PMM2: variants seen among roughly 807,000 people sequenced by gnomAD.
PMM2 encodes mannose-6-phosphate isomerase.
Under a neutral mutation model 33.2 loss-of-function variants are expected in PMM2, and 35 were observed. The observed-to-expected ratio is 1.06, with a 90% CI of 0.81 to 1.40. PMM2 has a LOEUF of 1.40. Among genes scored for constraint, PMM2 ranks in the 40% most tolerant of loss-of-function variants. The pLI is 0.00. For missense variants in PMM2, 386 were observed against 306.0 expected, an observed-to-expected ratio of 1.26 and a Z score of -1.95; for synonymous variants, 153 against 114.7, an observed-to-expected ratio of 1.33 and a Z score of -2.13.
At chr16:8,817,446 C>A (rs1387629018) in intron 7 of PMM2, among the ~76,000 whole-genome samples, 1 of 152,212 alleles carries the variant, frequency 6.6e-6, no homozygotes, top group Non-Finnish European at 1.5e-5. Context: ...AGACACACGA[C>A]AGCAGATTGT....
intron 7 of PMM2, among the ~76,000 whole-genome samples, chr16:8,846,435 G>A (rs1198635756): frequency 6.6e-6 from 1 of 152,098 alleles, no homozygotes; most frequent in African/African-American, 2.4e-5. Flanking sequence ...CCAATTTTAT[G>A]AGGGAAATAA....
At chr16:8,832,752 G>C in intron 7 of PMM2, 1 of 985,172 alleles carries the variant, frequency 1.0e-6, no homozygotes, top group Non-Finnish European at 1.2e-6. Flanking sequence ...GGCTACCCGT[G>C]AAATCCCAGG....
intron 2 of PMM2, 136 bp from the exon 3 acceptor site, chr16:8,804,629 TTA>T (rs1250349923): frequency 5.8e-6 from 4 of 694,992 alleles, no homozygotes; most frequent in East Asian, 5.4e-5. Context: ...TACTCTTCTC[TTA>T]GTCTGTAAGA....
At chr16:8,833,843 T>C (rs2060826799) in intron 7 of PMM2, among the ~76,000 whole-genome samples, 1 of 152,150 alleles carries the variant, frequency 6.6e-6, no homozygotes, top group Admixed American at 6.5e-5. Flanking sequence ...TTCAGCATAG[T>C]CCTGCCAGCA....
In PMM2 at chr16:8,847,925, C is replaced by G. The variant is rs1248266658; in HGVS notation, c.*100C>G. On this transcript the variant is annotated 3_prime_UTR_variant, in exon 8 of 8. Transcript: ENST00000268261. ...CCCACACGTGCTCACCCACCCGCAG[C>G]CTAGGCAGGCTCTGCATGCTATGCC... is the stretch of plus-strand genomic sequence containing the variant. The G allele has an allele frequency of 6.0e-6, 5 of 834,090 alleles. No homozygotes were observed. The African/African-American group carries it at 8.3e-5, about 14-fold the overall frequency. 51.7% of individuals were successfully genotyped at this position (834,090 alleles called of 1,614,324 possible). A position where few individuals can be genotyped will look rare whatever the true frequency, so the allele number is the denominator to read the frequency against.
At chr16:8,817,210 C>G (rs2060713215) in intron 7 of PMM2, among the ~76,000 whole-genome samples, 1 of 152,182 alleles carries the variant, frequency 6.6e-6, no homozygotes, top group Non-Finnish European at 1.5e-5. Context: ...CAGGTTTGTT[C>G]TTAATGACAG....
chr16:8,846,395 T>C (rs2060925781), intron 7 of PMM2, among the ~76,000 whole-genome samples: 1 of 152,206 alleles, frequency 6.6e-6, no homozygotes, highest in Non-Finnish European at 1.5e-5. Context: ...AATCGTAGAT[T>C]ATTTTAAGGT....
chr16:8,825,155 C>A (rs544866700), intron 7 of PMM2, among the ~76,000 whole-genome samples: 1 of 152,198 alleles, frequency 6.6e-6, no homozygotes, highest in South Asian at 2.1e-4. Flanking sequence ...TTCAGCCTCC[C>A]GAGTAGCTGG....
At chr16:8,805,287 C>G (rs796493386) in intron 3 of PMM2, among the ~76,000 whole-genome samples, 1 of 152,336 alleles carries the variant, frequency 6.6e-6, no homozygotes, top group Non-Finnish European at 1.5e-5. Context: ...AGGCTGATCT[C>G]TAACCCCTGA....
At chr16:8,806,658 G>C in intron 4 of PMM2, 1 of 544,414 alleles carries the variant, frequency 1.8e-6, no homozygotes, top group African/African-American at 1.9e-5. Context: ...CCATGGGCCA[G>C]CGAATTTAAA....
At chr16:8,810,034 C>G (rs960241521) in intron 4 of PMM2, 2 of 152,456 alleles carry the variant, frequency 1.3e-5, no homozygotes, top group African/African-American at 4.8e-5. Flanking sequence ...TGCTCTCAAA[C>G]TCCTGAGCTC....
At chr16:8,804,253 C>A (rs1220557847) in intron 2 of PMM2, among the ~76,000 whole-genome samples, 3 of 151,636 alleles carry the variant, frequency 2.0e-5, no homozygotes, top group African/African-American at 7.3e-5. Flanking sequence ...GTTGGCCAGG[C>A]TGGTCTGGAA....
In PMM2 at chr16:8,802,352, G is replaced by C. The variant is rs75050524; in HGVS notation, c.178+442G>C. The C allele has an allele frequency of 4.4e-3, 1,984 of 454,372 alleles. 35 individuals are homozygous for C. The highest frequency in any genetic ancestry group is 0.036 in the African/African-American group (1,811 of 50,090). The allele number at this position is 454,372 out of a possible 1,614,324, so 28.1% of individuals were successfully genotyped here. ...TATTGACCCCTTCACTGGAGAGTCT[G>C]ACTTGATAGGTCTGTGGAGCCTGGG... is the stretch of plus-strand genomic sequence containing the variant. On this transcript the variant is annotated intron_variant, in intron 2 of 7. Coordinates refer to ENST00000268261, the MANE Select transcript of PMM2 (RefSeq NM_000303.3).
chr16:8,799,780 T>C (rs1353743900), intron 1 of PMM2, among the ~76,000 whole-genome samples: 4 of 152,046 alleles, frequency 2.6e-5, no homozygotes, highest in Non-Finnish European at 5.9e-5. Flanking sequence ...TCTCTGGACC[T>C]CGTGATCCAC....
At chr16:8,840,449 G>C (rs1401767128) in intron 7 of PMM2, among the ~76,000 whole-genome samples, 1 of 151,928 alleles carries the variant, frequency 6.6e-6, no homozygotes, top group Non-Finnish European at 1.5e-5. Context: ...TGGAGAATAG[G>C]AGTATGACCA....
chr16:8,804,395 C>G (rs2060634667), intron 2 of PMM2, among the ~76,000 whole-genome samples: 1 of 152,058 alleles, frequency 6.6e-6, no homozygotes, highest in Non-Finnish European at 1.5e-5. Context: ...AATTCTGATT[C>G]AGGAAGCGAG....
chr16:8,835,033 G>A (rs1362625865), intron 7 of PMM2, among the ~76,000 whole-genome samples: 1 of 151,078 alleles, frequency 6.6e-6, no homozygotes, highest in African/African-American at 2.4e-5. Flanking sequence ...GATTTTGGAA[G>A]TTACGAGAAA....
At chr16:8,831,836 C>G (rs960717170) in intron 7 of PMM2, among the ~76,000 whole-genome samples, 1 of 152,102 alleles carries the variant, frequency 6.6e-6, no homozygotes, top group African/African-American at 2.4e-5. Context: ...AATATTAATG[C>G]GCGGATTTCA....
chr16:8,831,456 G>C (rs2060809236), intron 7 of PMM2, among the ~76,000 whole-genome samples: 1 of 152,236 alleles, frequency 6.6e-6, no homozygotes. Flanking sequence ...AGGATCGCTT[G>C]AGCCCAGGAG....
Sources: gnomAD v4.1 joint callset for allele counts (sites outside exome capture counted in the v4.1 genomes callset) on GRCh38, gnomAD v4.1.1 for gene constraint, MANE v1.5 for transcripts, NCBI Gene and HGNC (gene_info 2026-07-23, HGNC 2026-07-21) for gene names.